WLS: variants seen among roughly 807,000 people sequenced by gnomAD.
The protein encoded by WLS is protein wntless homolog.
A neutral mutation model predicts 62.8 loss-of-function variants in WLS; 23 were observed. That is an observed-to-expected ratio of 0.37 (90% CI 0.26 to 0.52). WLS has a LOEUF of 0.52. WLS is among the 20% of genes least tolerant of loss of function. The pLI, the probability that WLS is intolerant of heterozygous loss-of-function variation, is 0.92. For synonymous variants in WLS, 246 were observed against 244.1 expected (o/e 1.01, Z -0.07); for missense variants, 615 against 697.3 (o/e 0.88, Z 1.33).
At chr1:68,165,820 G>A (rs1389955969) in intron 2 of WLS, among the ~76,000 whole-genome samples, 3 of 152,162 alleles carry the variant, frequency 2.0e-5, no homozygotes, top group East Asian at 1.9e-4. Context: ...AGGATGCAAC[G>A]TACTTGGCTT....
intron 11 of WLS, among the ~76,000 whole-genome samples, chr1:68,131,088 T>TGTGTGTG (rs1557462873): frequency 7.4e-4 from 49 of 66,512 alleles, no homozygotes; most frequent in East Asian, 1.2e-3. Context: ...GTGTGTGTGT[T>TGTGTGTG]TTTAAGTAGA....
chr1:68,148,649 C>T lies in WLS; in HGVS notation c.984G>A (p.Glu328=). Residue 328 remains glutamate (E), a synonymous_variant, in exon 7 of 12, where the codon GAG becomes GAA. Transcript: ENST00000262348. The stretch of plus-strand genomic sequence containing the variant: ...TCCAATACCCTGCGATGTGGTTCCG[C>T]TCGTGCTGATCCTGAGGAAAACCAA... ...FCGEHMMDQH[E]RNHIAGYWKQ... is the part of the protein sequence containing the mutation. 1.2e-6 allele frequency: 2 copies of T among 1,613,904 alleles called. No homozygotes were observed. Among genetic ancestry groups the T allele is most frequent in the South Asian group, 1.1e-5 (1 of 90,950 alleles).
At position 68,194,618 on chromosome 1, in the gene WLS, T is replaced by C. The variant is rs537530769; in HGVS notation, c.107-391A>G. ...GTCAGAAGACCTTAGTCTTCAAACC[T>C]GGATTCGAAGCCTGGTTAAAAACCT... On this transcript the variant is annotated intron_variant, in intron 1 of 11. Coordinates refer to ENST00000262348, the MANE Select transcript of WLS (RefSeq NM_024911.7). Among the ~76,000 whole-genome samples the C allele has an allele frequency of 2.0e-5, 3 of 152,346 alleles. No homozygotes were observed. In the East Asian group the frequency reaches 5.8e-4, roughly 29 times the overall value.
intron 2 of WLS, among the ~76,000 whole-genome samples, chr1:68,168,752 C>T (rs1416650329): frequency 6.6e-6 from 1 of 152,160 alleles, no homozygotes; most frequent in Non-Finnish European, 1.5e-5. Flanking sequence ...CAGAAAGAGG[C>T]CACAGAGACA....
chr1:68,106,367 G>A (rs1011013580), intron 11 of WLS, among the ~76,000 whole-genome samples: 5 of 152,132 alleles, frequency 3.3e-5, no homozygotes, highest in Admixed American at 1.3e-4. Context: ...CAGTGGGCCT[G>A]GGTGATGATG....
intron 11 of WLS, among the ~76,000 whole-genome samples, chr1:68,110,672 TC>T (rs1646215147): frequency 6.7e-6 from 1 of 149,212 alleles, no homozygotes; most frequent in Non-Finnish European, 1.5e-5. Context: ...TCTCTCTCTC[TC>T]TCTCTCTCTC....
chr1:68,133,089 GA>G (rs1366536403), intron 11 of WLS, among the ~76,000 whole-genome samples: 1 of 152,058 alleles, frequency 6.6e-6, no homozygotes, highest in African/African-American at 2.4e-5. Context: ...CAGCAGGGCA[GA>G]AAATATAAGT....
At chr1:68,168,564 T>C (rs1443377661) in intron 2 of WLS, among the ~76,000 whole-genome samples, 1 of 152,158 alleles carries the variant, frequency 6.6e-6, no homozygotes, top group Non-Finnish European at 1.5e-5. Flanking sequence ...GAGGACAAGA[T>C]ATATTAGAGG....
intron 1 of WLS, among the ~76,000 whole-genome samples, chr1:68,195,127 G>A (rs549296733): frequency 8.5e-5 from 13 of 152,190 alleles, no homozygotes; most frequent in East Asian, 3.9e-4. Context: ...TAAAATATAC[G>A]CAAATATTAA....
intron 11 of WLS, among the ~76,000 whole-genome samples, chr1:68,114,276 T>C (rs962646804): frequency 6.6e-6 from 1 of 152,148 alleles, no homozygotes; most frequent in East Asian, 1.9e-4. Context: ...CAGCTACTGG[T>C]TAACTTGTGG....
At chr1:68,213,103 T>C (rs1204129812) in intron 1 of WLS, among the ~76,000 whole-genome samples, 1 of 152,190 alleles carries the variant, frequency 6.6e-6, no homozygotes, top group Non-Finnish European at 1.5e-5. Flanking sequence ...AGGAAAGACA[T>C]GCCTCTGTTT....
At chr1:68,158,853 G>GA (rs538327074) in intron 3 of WLS, among the ~76,000 whole-genome samples, 39 of 151,980 alleles carry the variant, frequency 2.6e-4, no homozygotes, top group Non-Finnish European at 4.3e-4. Context: ...TCCTCTTTAG[G>GA]AAAAAAATGG....
intron 11 of WLS, among the ~76,000 whole-genome samples, chr1:68,115,398 T>A (rs1646278008): frequency 6.6e-6 from 1 of 152,216 alleles, no homozygotes; most frequent in Non-Finnish European, 1.5e-5. Context: ...TCGCCATTCT[T>A]CACGAGGCAG....
intron 9 of WLS, among the ~76,000 whole-genome samples, chr1:68,145,650 G>C (rs1646743041): frequency 6.6e-6 from 1 of 152,062 alleles, no homozygotes. Context: ...ACTGAAAATG[G>C]AAACACATTT....
rs746256483 is a variant in WLS, at chr1:68,148,152, A to G, written c.1118T>C (p.Ile373Thr). The change falls in exon 8 of 12, where the codon ATT (isoleucine) becomes ACT (threonine). Residue 373 changes from isoleucine (I) to threonine (T), a missense_variant. Coordinates refer to ENST00000262348, the MANE Select transcript of WLS (RefSeq NM_024911.7). ...NPFYSIWTTD[I>T]GTELAMAFII... Reference sequence around the variant, plus strand: ...GAAGGATACGGCCAGCTCTGTTCCAATGTCTGTAGTCCAGATACTGTAGAA... The same window carrying G: ...GAAGGATACGGCCAGCTCTGTTCCAGTGTCTGTAGTCCAGATACTGTAGAA... 6.2e-7 allele frequency: 1 copy of G among 1,614,202 alleles called. No individual in the cohort carries two copies. The highest frequency in any genetic ancestry group is 8.5e-7 in the Non-Finnish European group (1 of 1,180,032).
chr1:68,190,886 C>T (rs574918555), intron 2 of WLS, among the ~76,000 whole-genome samples: 7 of 152,114 alleles, frequency 4.6e-5, no homozygotes, highest in East Asian at 1.9e-4. Flanking sequence ...GGAGAAACCC[C>T]GTCTCTACTA....
At chr1:68,152,554 C>T (rs1579514) in intron 5 of WLS, among the ~76,000 whole-genome samples, 9,424 of 152,088 alleles carry the variant, frequency 0.062, 314 homozygotes, top group Middle Eastern at 0.14. Flanking sequence ...AAGTGAGGAA[C>T]AAAAAATGAC....
intron 11 of WLS, among the ~76,000 whole-genome samples, chr1:68,100,469 C>T (rs1185577995): frequency 6.6e-6 from 1 of 152,144 alleles, no homozygotes; most frequent in Non-Finnish European, 1.5e-5. Flanking sequence ...TAAACTCAAA[C>T]CCTCAAGGAA....
At chr1:68,185,153 C>T (rs558651709) in intron 2 of WLS, among the ~76,000 whole-genome samples, 41 of 152,256 alleles carry the variant, frequency 2.7e-4, no homozygotes, top group African/African-American at 8.4e-4. Flanking sequence ...GAAATAGCAT[C>T]AAGTCTCATA....
Sources: allele counts gnomAD v4.1 joint callset (sites outside exome capture counted in the v4.1 genomes callset), GRCh38; gene constraint gnomAD v4.1.1; transcripts MANE v1.5; gene names NCBI Gene and HGNC (gene_info 2026-07-23, HGNC 2026-07-21).